AUTS2: variants seen among roughly 807,000 people sequenced by gnomAD.
AUTS2 encodes the protein activator of transcription and developmental regulator AUTS2, also known as autism susceptibility gene 2 protein.
In AUTS2, 17 loss-of-function variants were observed where a neutral mutation model predicts 112.4. The ratio of observed to expected loss-of-function variants is 0.15; its 90% confidence interval spans 0.10 to 0.23. The LOEUF is 0.23. Among genes scored for constraint, AUTS2 ranks in the 10% least tolerant of loss-of-function variants. The pLI, the probability that AUTS2 is intolerant of heterozygous loss-of-function variation, is 1.00. For missense variants in AUTS2, 1,510 were observed against 1,701.6 expected (o/e 0.89, Z 1.98); for synonymous variants, 751 against 702.7 (o/e 1.07, Z -1.09).
chr7:70,596,524 T>G (rs919397721), intron 5 of AUTS2: 1 of 152,258 alleles, frequency 6.6e-6, no homozygotes, highest in Non-Finnish European at 1.5e-5. Flanking sequence ...CCCCCTGACG[T>G]GGACGTACAC....
chr7:69,653,290 A>G (rs1430784997), intron 1 of AUTS2, among the ~76,000 whole-genome samples: 1 of 152,206 alleles, frequency 6.6e-6, no homozygotes, highest in Admixed American at 6.5e-5. Flanking sequence ...CCTGTCCCCA[A>G]AGACTAAAGA....
At chr7:69,855,258 C>A (rs1403445712) in intron 1 of AUTS2, among the ~76,000 whole-genome samples, 1 of 152,114 alleles carries the variant, frequency 6.6e-6, no homozygotes, top group Non-Finnish European at 1.5e-5. Flanking sequence ...AGTTCATGGA[C>A]AAGCTAAGTA....
At chr7:69,942,526 A>G (rs543788917) in intron 2 of AUTS2, among the ~76,000 whole-genome samples, 1 of 152,156 alleles carries the variant, frequency 6.6e-6, no homozygotes, top group Non-Finnish European at 1.5e-5. Flanking sequence ...CCCTGCATCT[A>G]TGGTGACTTT....
At chr7:70,350,073 A>G (rs1791679207) in intron 4 of AUTS2, among the ~76,000 whole-genome samples, 1 of 152,172 alleles carries the variant, frequency 6.6e-6, no homozygotes, top group Non-Finnish European at 1.5e-5. Context: ...AGTTAAGCTC[A>G]TGGCCAGTAC....
chr7:70,528,112 T>TC (rs1563018226), intron 5 of AUTS2, among the ~76,000 whole-genome samples: 1 of 149,608 alleles, frequency 6.7e-6, no homozygotes, highest in Non-Finnish European at 1.5e-5. Context: ...TTTTTTTTTT[T>TC]TTTTTTTACT....
chr7:70,666,563 C>G (rs1017653911), intron 5 of AUTS2, among the ~76,000 whole-genome samples: 6 of 152,196 alleles, frequency 3.9e-5, no homozygotes, highest in Non-Finnish European at 5.9e-5. Flanking sequence ...TCCACTATCT[C>G]TCTGTCTCTG....
chr7:70,207,901 C>CT (rs1362652277), intron 4 of AUTS2, among the ~76,000 whole-genome samples: 5 of 149,480 alleles, frequency 3.3e-5, no homozygotes, highest in Non-Finnish European at 7.4e-5. Flanking sequence ...ATCCCAGATA[C>CT]TTGGGAGGCT....
At chr7:70,002,103 C>G (rs1799225587) in intron 2 of AUTS2, among the ~76,000 whole-genome samples, 1 of 152,086 alleles carries the variant, frequency 6.6e-6, no homozygotes, top group African/African-American at 2.4e-5. Flanking sequence ...AATAGTATTT[C>G]CTAACAAGTG....
At chr7:69,605,773 G>A (rs555119618) in intron 1 of AUTS2, among the ~76,000 whole-genome samples, 6 of 152,294 alleles carry the variant, frequency 3.9e-5, no homozygotes, top group Admixed American at 3.9e-4. Flanking sequence ...CCATGGGACT[G>A]TAAAATAAAT....
In AUTS2 at chr7:69,688,047, G is replaced by A. The variant is rs565397643; in HGVS notation, c.309+88085G>A. On this transcript the variant is annotated intron_variant, in intron 1 of 18. Coordinates refer to ENST00000342771, the MANE Select transcript of AUTS2 (RefSeq NM_015570.4). The stretch of plus-strand genomic sequence containing the variant: ...AAAAATGCATGTTATTTAGCTGATA[G>A]CCTGTAACAGTCTGATGGACCCATA... Among the ~76,000 whole-genome samples the A allele has an allele frequency of 7.9e-5, 12 of 152,354 alleles. 1 individual carries two copies. The highest frequency in any genetic ancestry group is 7.8e-4 in the Admixed American group (12 of 15,308).
intron 1 of AUTS2, among the ~76,000 whole-genome samples, chr7:69,841,234 A>G (rs1791967129): frequency 6.6e-6 from 1 of 152,216 alleles, no homozygotes; most frequent in South Asian, 2.1e-4. Context: ...AAGAAGTTTA[A>G]TTGGCTCATG....
intron 5 of AUTS2, among the ~76,000 whole-genome samples, chr7:70,454,115 T>A (rs1585163965): frequency 6.6e-6 from 1 of 152,144 alleles, no homozygotes; most frequent in South Asian, 2.1e-4. Flanking sequence ...TTGTGGGTGG[T>A]CGAAGAACTA....
rs1563199853 is a variant in AUTS2 at position 70,787,081 on chromosome 7, T to C, written c.2309-128T>C. ...TGAATTTGTTAATCTCCTTTCCTTT[T>C]CCAGCTCCCAATAATATGTATTCAT... is the stretch of plus-strand genomic sequence containing the variant. On this transcript the variant is annotated intron_variant, in intron 17 of 18. Transcript: ENST00000342771. 6 of 875,758 alleles carry C rather than the reference T, an allele frequency of 6.9e-6. No individual in the cohort carries two copies. The East Asian group carries it at 1.6e-4, about 23-fold the overall frequency. The allele number at this position is 875,758 out of a possible 1,614,324, so 54.2% of individuals were successfully genotyped here. A position where few individuals can be genotyped will look rare whatever the true frequency, so the allele number is the denominator to read the frequency against.
intron 2 of AUTS2, among the ~76,000 whole-genome samples, chr7:70,117,879 G>T (rs1213087944): frequency 2.0e-5 from 3 of 151,994 alleles, no homozygotes; most frequent in Non-Finnish European, 2.9e-5. Context: ...CTCCTGAGTA[G>T]CTGGGATTAC....
chr7:70,529,461 T>C (rs1180951969), intron 5 of AUTS2, among the ~76,000 whole-genome samples: 1 of 152,214 alleles, frequency 6.6e-6, no homozygotes, highest in Admixed American at 6.5e-5. Context: ...AACCTGGAAC[T>C]TGAGCCCAGG....
intron 4 of AUTS2, among the ~76,000 whole-genome samples, chr7:70,280,881 A>G (rs1053222498): frequency 6.6e-6 from 1 of 152,184 alleles, no homozygotes; most frequent in East Asian, 1.9e-4. Context: ...TCACTAATGT[A>G]TAGGTATTTT....
chr7:69,961,182 A>G (rs1797415432), intron 2 of AUTS2, among the ~76,000 whole-genome samples: 1 of 152,140 alleles, frequency 6.6e-6, no homozygotes, highest in African/African-American at 2.4e-5. Context: ...TTTGGCTACC[A>G]GTGTCTCCAC....
chr7:69,762,022 G>A (rs1416404181), intron 1 of AUTS2, among the ~76,000 whole-genome samples: 1 of 152,066 alleles, frequency 6.6e-6, no homozygotes, highest in Non-Finnish European at 1.5e-5. Flanking sequence ...AAAATTCTTA[G>A]CCTTATGGAA....
chr7:70,363,816 T>C (rs1792402931), intron 4 of AUTS2, among the ~76,000 whole-genome samples: 1 of 152,220 alleles, frequency 6.6e-6, no homozygotes, highest in South Asian at 2.1e-4. Context: ...AACCTAAGTC[T>C]CCCAGCTTCT....
Sources: gnomAD v4.1 joint callset for allele counts (sites outside exome capture counted in the v4.1 genomes callset) on GRCh38, gnomAD v4.1.1 for gene constraint, MANE v1.5 for transcripts, NCBI Gene and HGNC (gene_info 2026-07-23, HGNC 2026-07-21) for gene names.